The following PTPRD variants were observed in gnomAD, a reference collection of about 807,000 sequenced individuals.
PTPRD encodes the protein receptor-type tyrosine-protein phosphatase delta.
In PTPRD, 34 loss-of-function variants were observed where a neutral mutation model predicts 214.5. That is an observed-to-expected ratio of 0.16 (90% CI 0.12 to 0.21). PTPRD has a LOEUF of 0.21. Ranked by LOEUF, PTPRD falls within the 10% of genes least tolerant of loss-of-function variation. PTPRD has a pLI of 1.00. For missense variants in PTPRD, 2,545 were observed against 2,398.7 expected (o/e 1.06, Z -1.27); for synonymous variants, 1,128 against 845.7 (o/e 1.33, Z -5.79).
intron 5 of PTPRD, among the ~76,000 whole-genome samples, chr9:9,904,611 A>C (rs10816220): frequency 0.75 from 113,762 of 151,702 alleles, 43,379 homozygotes; most frequent in East Asian, 0.84. Flanking sequence ...GCAGAAAAAT[A>C]TCCTGTCTCA....
At chr9:9,139,980 T>C (rs1187603293) in intron 10 of PTPRD, among the ~76,000 whole-genome samples, 5 of 152,180 alleles carry the variant, frequency 3.3e-5, no homozygotes, top group African/African-American at 1.2e-4. Context: ...TGGGAATATC[T>C]AGTATAATTG....
chr9:8,790,513 G>T (rs2096186339), intron 11 of PTPRD, among the ~76,000 whole-genome samples: 1 of 151,832 alleles, frequency 6.6e-6, no homozygotes, highest in Admixed American at 6.6e-5. Context: ...CGCCTCCCAG[G>T]TTCAAGCAAT....
At chr9:8,394,469 T>C (rs376912799) in intron 36 of PTPRD, among the ~76,000 whole-genome samples, 19 of 152,262 alleles carry the variant, frequency 1.2e-4, no homozygotes, top group African/African-American at 4.1e-4. Context: ...TAGCAAGCAC[T>C]TGCTAAGAAT....
intron 10 of PTPRD, among the ~76,000 whole-genome samples, chr9:9,182,144 G>C (rs1422408032): frequency 1.3e-5 from 2 of 152,002 alleles, no homozygotes; most frequent in Admixed American, 6.6e-5. Context: ...CAGGCTGAAA[G>C]CCTGAAATAA....
chr9:9,017,478 T>C (rs921940200), intron 11 of PTPRD, among the ~76,000 whole-genome samples: 8 of 152,154 alleles, frequency 5.3e-5, no homozygotes, highest in African/African-American at 1.4e-4. Context: ...CCATTCTAAC[T>C]GTAAATTTGA....
chr9:8,925,516 A>G (rs1233390454), intron 11 of PTPRD, among the ~76,000 whole-genome samples: 1 of 136,482 alleles, frequency 7.3e-6, no homozygotes, highest in Non-Finnish European at 1.7e-5. Context: ...CAAAACAAAG[A>G]AAACAAACAA....
chr9:8,952,808 G>C (rs2099110083), intron 11 of PTPRD, among the ~76,000 whole-genome samples: 1 of 151,792 alleles, frequency 6.6e-6, no homozygotes, highest in Non-Finnish European at 1.5e-5. Context: ...GAAAGAAAAG[G>C]AATTTAAACA....
intron 12 of PTPRD, among the ~76,000 whole-genome samples, chr9:8,654,446 G>A (rs899562759): frequency 2.6e-5 from 4 of 152,074 alleles, no homozygotes; most frequent in African/African-American, 4.8e-5. Context: ...AGTAAACGAC[G>A]AGTTCATAAG....
chr9:10,286,569 T>C (rs990360896), intron 3 of PTPRD, among the ~76,000 whole-genome samples: 10 of 152,220 alleles, frequency 6.6e-5, no homozygotes, highest in Admixed American at 1.3e-4. Context: ...ATGGTATTTA[T>C]ATACTCAAAC....
intron 8 of PTPRD, among the ~76,000 whole-genome samples, chr9:9,488,691 C>T (rs558631746): frequency 6.6e-6 from 1 of 152,272 alleles, no homozygotes; most frequent in East Asian, 1.9e-4. Flanking sequence ...CTGATGTAAA[C>T]ATTTTGGAAC....
intron 2 of PTPRD, among the ~76,000 whole-genome samples, chr9:10,558,199 C>T (rs2063066124): frequency 6.6e-6 from 1 of 152,128 alleles, no homozygotes; most frequent in African/African-American, 2.4e-5. Context: ...TAGTCACTGA[C>T]ATTCTAAAAC....
At chr9:10,225,772 G>A (rs986991328) in intron 3 of PTPRD, among the ~76,000 whole-genome samples, 1 of 152,010 alleles carries the variant, frequency 6.6e-6, no homozygotes, top group Non-Finnish European at 1.5e-5. Flanking sequence ...CATAAATAAT[G>A]CTATTTCCTT....
chr9:9,084,413 G>C (rs1187462770), intron 10 of PTPRD, among the ~76,000 whole-genome samples: 1 of 152,122 alleles, frequency 6.6e-6, no homozygotes, highest in African/African-American at 2.4e-5. Context: ...AGGGGTTGGG[G>C]GTCTAGGGAG....
intron 2 of PTPRD, among the ~76,000 whole-genome samples, chr9:10,483,780 T>A (rs1280606682): frequency 6.6e-6 from 1 of 152,088 alleles, no homozygotes; most frequent in Non-Finnish European, 1.5e-5. Context: ...AAACAATAGA[T>A]GTTGGCACGG....
At chr9:9,435,979 T>G (rs938497423) in intron 8 of PTPRD, among the ~76,000 whole-genome samples, 8 of 152,156 alleles carry the variant, frequency 5.3e-5, no homozygotes, top group Non-Finnish European at 8.8e-5. Context: ...GCTCACCTTT[T>G]TCTCCATTTC....
intron 4 of PTPRD, among the ~76,000 whole-genome samples, chr9:10,024,036 T>C (rs565608259): frequency 1.6e-4 from 24 of 152,182 alleles, no homozygotes; most frequent in Non-Finnish European, 3.4e-4. Flanking sequence ...TATATTTTTA[T>C]ATTAACACTA....
At chr9:8,375,913 G>A (rs2134788526) in intron 39 of PTPRD, 23 bp downstream of exon 39, 1 of 1,599,576 alleles carries the variant, frequency 6.3e-7, no homozygotes, top group South Asian at 1.1e-5. Context: ...TTTCCTGACT[G>A]CAAGTGAACA....
chr9:9,718,066 C>T (rs10511528), intron 7 of PTPRD, among the ~76,000 whole-genome samples: 64,029 of 151,944 alleles, frequency 0.42, 15,909 homozygotes, highest in African/African-American at 0.69. Flanking sequence ...GCTAACTAAA[C>T]GAATTCTGCT....
At chr9:8,540,589 G>C (rs2078152543) in intron 14 of PTPRD, among the ~76,000 whole-genome samples, 1 of 152,110 alleles carries the variant, frequency 6.6e-6, no homozygotes, top group Non-Finnish European at 1.5e-5. Context: ...TAAGATAGAA[G>C]ACAAACTTTT....
Sources: gnomAD v4.1 joint callset for allele counts (sites outside exome capture counted in the v4.1 genomes callset) on GRCh38, gnomAD v4.1.1 for gene constraint, MANE v1.5 for transcripts, NCBI Gene and HGNC (gene_info 2026-07-23, HGNC 2026-07-21) for gene names.